CNIH3: variants seen among roughly 807,000 people sequenced by gnomAD.
CNIH3 encodes the protein cornichon family AMPA receptor auxiliary protein 3, also known as protein cornichon homolog 3.
A neutral mutation model predicts 24.1 loss-of-function variants in CNIH3; 14 were observed. The ratio of observed to expected loss-of-function variants is 0.58; its 90% CI spans 0.38 to 0.91. The LOEUF (loss-of-function observed/expected upper bound fraction) is 0.91. Ranked by LOEUF, CNIH3 falls within the 40% of genes least tolerant of loss-of-function variation. The pLI is 0.00. For missense variants in CNIH3, 178 were observed against 196.8 expected (o/e 0.90, Z 0.57); for synonymous variants, 68 against 73.8 (o/e 0.92, Z 0.40).
intron 1 of CNIH3, among the ~76,000 whole-genome samples, chr1:224,629,173 A>AT (rs945888924): frequency 2.0e-5 from 3 of 151,506 alleles, no homozygotes; most frequent in Non-Finnish European, 2.9e-5. Flanking sequence ...TGCCTGGCTA[A>AT]TTTTTTTGTA....
intron 4 of CNIH3, among the ~76,000 whole-genome samples, chr1:224,570,780 A>G (rs1680783939): frequency 6.6e-6 from 1 of 152,206 alleles, no homozygotes; most frequent in South Asian, 2.1e-4. Context: ...ACTGAATGTT[A>G]TAATCACATT....
chr1:224,697,029 G>T (rs1291817441), intron 3 of CNIH3, among the ~76,000 whole-genome samples: 1 of 152,216 alleles, frequency 6.6e-6, no homozygotes, highest in Non-Finnish European at 1.5e-5. Flanking sequence ...TTAGCTAGCT[G>T]CAAAGTTTAG....
intron 1 of CNIH3, among the ~76,000 whole-genome samples, chr1:224,648,661 T>C (rs1684732073): frequency 2.6e-5 from 4 of 152,086 alleles, no homozygotes; most frequent in Admixed American, 6.5e-5. Flanking sequence ...GAATACCGAT[T>C]TTGCCTTGGC....
intron 1 of CNIH3, among the ~76,000 whole-genome samples, chr1:224,517,666 T>C (rs12141708): frequency 0.18 from 26,385 of 150,398 alleles, 2,361 homozygotes; most frequent in South Asian, 0.23. Flanking sequence ...GTCTATGATA[T>C]CATTCTTATG....
At chr1:224,538,548 TCCCAGTA>T (rs1402595146), downstream of CNIH3, among the ~76,000 whole-genome samples, 1 of 152,108 alleles carries the variant, frequency 6.6e-6, no homozygotes, top group Non-Finnish European at 1.5e-5. Flanking sequence ...ACCCCATGCC[TCCCAGTA>T]CCCCATCCTT....
chr1:224,650,425 C>T (rs1684808679), intron 1 of CNIH3, among the ~76,000 whole-genome samples: 1 of 152,176 alleles, frequency 6.6e-6, no homozygotes, highest in Admixed American at 6.5e-5. Flanking sequence ...TGGAGTAAGG[C>T]TTCTGGAGGC....
chr1:224,608,943 G>A (rs992160192), intron 3 of CNIH3, among the ~76,000 whole-genome samples: 16 of 152,262 alleles, frequency 1.1e-4, no homozygotes, highest in African/African-American at 3.8e-4. Context: ...GAGCCCACTC[G>A]CCCAACTCCT....
intron 1 of CNIH3, among the ~76,000 whole-genome samples, chr1:224,520,075 A>G (rs771213317): frequency 1.2e-4 from 18 of 152,216 alleles, no homozygotes; most frequent in Non-Finnish European, 2.2e-4. Flanking sequence ...TGACTCAACA[A>G]CAGCTGCATC....
intron 5 of CNIH3, among the ~76,000 whole-genome samples, chr1:224,586,665 G>C (rs1438790912): frequency 6.6e-6 from 1 of 152,196 alleles, no homozygotes; most frequent in East Asian, 1.9e-4. Flanking sequence ...TGTTCACCCA[G>C]AACCTCAGAA....
At chr1:224,501,084 A>G (rs976719647) in intron 1 of CNIH3, among the ~76,000 whole-genome samples, 2 of 152,238 alleles carry the variant, frequency 1.3e-5, no homozygotes, top group Non-Finnish European at 2.9e-5. Flanking sequence ...CTGTTCTGGA[A>G]ACAGTAATCT....
chr1:224,515,722 C>A (rs1678353233), upstream of CNIH3: 1 of 152,066 alleles, frequency 6.6e-6, no homozygotes, highest in Non-Finnish European at 1.5e-5. Flanking sequence ...TTCCACTTAC[C>A]CAGGCTTGTC....
downstream of CNIH3, among the ~76,000 whole-genome samples, chr1:224,538,195 C>T (rs534702052): frequency 2.3e-4 from 35 of 152,164 alleles, no homozygotes; most frequent in East Asian, 2.1e-3. Context: ...GTGATCCATC[C>T]GCATCAGCCT....
At chr1:224,505,017 C>T (rs1265055146) in intron 1 of CNIH3, among the ~76,000 whole-genome samples, 1 of 105,384 alleles carries the variant, frequency 9.5e-6, no homozygotes, top group East Asian at 2.8e-4. Context: ...TCCCTCCCTC[C>T]CTCCCTCCCT....
At position 224,617,181 on chromosome 1, in the gene CNIH3, T is replaced by C. The variant is rs757955848; in HGVS notation, c.7T>C (p.Phe3Leu). MA[F>L]TFAAFCYMLS... is the part of the protein sequence containing the mutation. Reference sequence around the variant, plus strand: ...GGATTGGGGTCCGCCGGCCATGGCCTTCACTTTCGCTGCGTTCTGCTACAT... The same window carrying C: ...GGATTGGGGTCCGCCGGCCATGGCCCTCACTTTCGCTGCGTTCTGCTACAT... Residue 3 changes from phenylalanine (F) to leucine (L), a missense_variant, in exon 1 of 6, where the codon TTC (phenylalanine) becomes CTC (leucine). Coordinates refer to ENST00000272133, the MANE Select transcript of CNIH3 (RefSeq NM_152495.2). 8 of 1,613,956 alleles carry C rather than the reference T, an allele frequency of 5.0e-6. No homozygotes were observed. Among genetic ancestry groups the C allele is most frequent in the Non-Finnish European group, 5.9e-6 (7 of 1,179,970 alleles).
intron 1 of CNIH3, among the ~76,000 whole-genome samples, chr1:224,501,270 A>G (rs1677654289): frequency 6.6e-6 from 1 of 152,158 alleles, no homozygotes. Flanking sequence ...AGAGTGTTGA[A>G]TAAATGGTCA....
In CNIH3 at chr1:224,499,071, T is replaced by G. The variant is rs186457035; in HGVS notation, n.204-16670T>G. On this transcript the variant is annotated intron_variant and non_coding_transcript_variant, in intron 1 of 5. Coordinates refer to the CNIH3 transcript ENST00000471578. ...GAGTGCCATGATTTAGATCAGTGAT[T>G]CACAAACTTTTGGTAGTGAAGACAC... Among the ~76,000 whole-genome samples the G allele has an allele frequency of 2.7e-3, 404 of 152,350 alleles. 2 individuals are homozygous for G. The highest frequency in any genetic ancestry group is 0.019 in the South Asian group (93 of 4,830).
At chr1:224,536,284 C>CTTTTTTT (rs373201561) in intron 2 of CNIH3, among the ~76,000 whole-genome samples, 8 of 86,090 alleles carry the variant, frequency 9.3e-5, no homozygotes, top group East Asian at 4.0e-4. Flanking sequence ...TAATTGTTGT[C>CTTTTTTT]TTTTTTTTTT....
chr1:224,503,562 T>C (rs966404076), intron 1 of CNIH3, among the ~76,000 whole-genome samples: 1 of 152,146 alleles, frequency 6.6e-6, no homozygotes, highest in Non-Finnish European at 1.5e-5. Flanking sequence ...GGGAAGCCCG[T>C]GTCTCATGGG....
intron 3 of CNIH3, among the ~76,000 whole-genome samples, chr1:224,605,242 A>G (rs1294532796): frequency 6.6e-6 from 1 of 152,194 alleles, no homozygotes; most frequent in Non-Finnish European, 1.5e-5. Flanking sequence ...TTTGGCTTGG[A>G]GGTGGGGTTT....
Sources: gnomAD v4.1 joint callset for allele counts (sites outside exome capture counted in the v4.1 genomes callset) on GRCh38, gnomAD v4.1.1 for gene constraint, MANE v1.5 for transcripts, NCBI Gene and HGNC (gene_info 2026-07-23, HGNC 2026-07-21) for gene names.